SRGAP2: variants seen among roughly 807,000 people sequenced by gnomAD.
SRGAP2 encodes the protein SLIT-ROBO Rho GTPase-activating protein 2.
A neutral mutation model predicts 57.2 loss-of-function variants in SRGAP2; 15 were observed. The ratio of observed to expected loss-of-function variants is 0.26; its 90% CI spans 0.18 to 0.40. The LOEUF (loss-of-function observed/expected upper bound fraction) is 0.40, where lower values mean the gene tolerates loss of function less well. SRGAP2 is among the 10% of genes least tolerant of loss of function. The pLI is 1.00. For synonymous variants in SRGAP2, 249 were observed against 248.0 expected, an observed-to-expected ratio of 1.00 and a Z score of -0.04; for missense variants, 520 against 669.6, an observed-to-expected ratio of 0.78 and a Z score of 2.47.
At chr1:206,243,435 G>A (rs1296447302) in intron 2 of SRGAP2, among the ~76,000 whole-genome samples, 1 of 151,898 alleles carries the variant, frequency 6.6e-6, no homozygotes, top group African/African-American at 2.4e-5. Context: ...GCATGAATGG[G>A]GTGCTATTCT....
In SRGAP2 at chr1:206,461,526, A is replaced by G; in HGVS notation, c.*106A>G. 4 of 658,750 alleles carry G rather than the reference A, an allele frequency of 6.1e-6. No individual in the cohort carries two copies. The highest frequency in any genetic ancestry group is 1.1e-5 in the Non-Finnish European group (4 of 360,144). The allele number at this position is 658,750 out of a possible 1,614,324, so 40.8% of individuals were successfully genotyped here. On this transcript the variant is annotated 3_prime_UTR_variant, in exon 23 of 23. Coordinates refer to ENST00000573034, the MANE Select transcript of SRGAP2 (RefSeq NM_015326.5). ...GGACTTCAGTTGAAAATTAGGTTCT[A>G]AGTTGTTCTTGCAGGAATTAGCCTC...
At chr1:206,322,646 T>C (rs868937859) in intron 3 of SRGAP2, among the ~76,000 whole-genome samples, 2 of 144,004 alleles carry the variant, frequency 1.4e-5, no homozygotes, top group African/African-American at 5.6e-5. Context: ...GACTAGATTT[T>C]AATACTGGTT....
chr1:206,334,484 A>G (rs1328636757), intron 3 of SRGAP2, among the ~76,000 whole-genome samples: 17 of 152,116 alleles, frequency 1.1e-4, no homozygotes, highest in Admixed American at 1.1e-3. Flanking sequence ...TGTTGTTATG[A>G]GCCATGTAAG....
chr1:206,425,438 CTAT>C (rs1332383621), intron 13 of SRGAP2, among the ~76,000 whole-genome samples: 3 of 152,156 alleles, frequency 2.0e-5, no homozygotes, highest in Admixed American at 6.5e-5. Flanking sequence ...TTATTATTAA[CTAT>C]TATTATCCTA....
intron 18 of SRGAP2, among the ~76,000 whole-genome samples, chr1:206,449,943 A>C (rs1663121821): frequency 6.6e-6 from 1 of 152,184 alleles, no homozygotes; most frequent in Non-Finnish European, 1.5e-5. Flanking sequence ...GAGATTAAAT[A>C]ACTTGCCCAG....
intron 11 of SRGAP2, among the ~76,000 whole-genome samples, chr1:206,419,131 T>C (rs1411464549): frequency 1.3e-5 from 2 of 152,164 alleles, no homozygotes; most frequent in African/African-American, 4.8e-5. Context: ...TTAGGGGGAC[T>C]GACCTGGACT....
chr1:206,436,602 C>T (rs1661782911), intron 14 of SRGAP2, among the ~76,000 whole-genome samples: 2 of 152,186 alleles, frequency 1.3e-5, no homozygotes, highest in South Asian at 4.1e-4. Context: ...CCTGCTGCCT[C>T]AGCTTCCTGA....
chr1:206,420,092 T>C (rs1045012884), intron 12 of SRGAP2, among the ~76,000 whole-genome samples: 5 of 152,304 alleles, frequency 3.3e-5, no homozygotes, highest in African/African-American at 1.2e-4. Flanking sequence ...TGCCTAGAAA[T>C]GTGCTGATTT....
At chr1:206,418,888 CTG>C (rs1159940831) in intron 11 of SRGAP2, among the ~76,000 whole-genome samples, 22,545 of 136,302 alleles carry the variant, frequency 0.17, 2,010 homozygotes, top group East Asian at 0.28. Context: ...CCAACTCTCT[CTG>C]TGTGTGTGTG....
At chr1:206,359,119 A>G (rs1676694334) in intron 4 of SRGAP2, among the ~76,000 whole-genome samples, 1 of 151,316 alleles carries the variant, frequency 6.6e-6, no homozygotes, top group Non-Finnish European at 1.5e-5. Flanking sequence ...ATATCTTTTG[A>G]AGATTTCCAT....
At position 206,450,281 on chromosome 1, in the gene SRGAP2, A is replaced by T. The variant is rs1416813697; in HGVS notation, c.2100-105A>T. ...TGTGTGCAGTTAGGATATAGAGAGC[A>T]TAAGATGGATTCAGTGCCCTCGCGC... is the stretch of plus-strand genomic sequence containing the variant. On this transcript the variant is annotated intron_variant, in intron 18 of 22. Transcript: ENST00000573034. The T allele has an allele frequency of 1.3e-5, 9 of 686,786 alleles. 1 individual carries two copies. In the East Asian group the frequency reaches 2.4e-4, roughly 18 times the overall value. The allele number at this position is 686,786 out of a possible 1,614,324, so 42.5% of individuals were successfully genotyped here.
chr1:206,334,929 G>GA (rs1246945116), intron 3 of SRGAP2, among the ~76,000 whole-genome samples: 1 of 150,742 alleles, frequency 6.6e-6, no homozygotes, highest in Non-Finnish European at 1.5e-5. Flanking sequence ...AACTAGAGAA[G>GA]AAAAAATCAA....
rs543953027 is a variant in SRGAP2, at chr1:206,427,832, G to T, written c.1495-2330G>T. On this transcript the variant is annotated intron_variant, in intron 13 of 22. Transcript: ENST00000573034. ...TATAAAACCCTACTGGTTTAGGCCA[G>T]GCACGATGGTTCATACCTGTAATCC... is the stretch of plus-strand genomic sequence containing the variant. Among the ~76,000 whole-genome samples the T allele has an allele frequency of 1.7e-4, 26 of 152,290 alleles. No individual in the cohort carries two copies. In the South Asian group the frequency reaches 4.6e-3, roughly 27 times the overall value.
At chr1:206,336,077 G>T (rs1674754352) in intron 3 of SRGAP2, among the ~76,000 whole-genome samples, 1 of 145,948 alleles carries the variant, frequency 6.9e-6, no homozygotes, top group Non-Finnish European at 1.5e-5. Context: ...CGGCTCTTGG[G>T]CATGCTGTTC....
intron 17 of SRGAP2, among the ~76,000 whole-genome samples, chr1:206,444,933 CAG>C (rs782448147): frequency 2.6e-5 from 4 of 152,156 alleles, no homozygotes; most frequent in Non-Finnish European, 4.4e-5. Flanking sequence ...CGCAAACAGA[CAG>C]GGGGTACATC....
At chr1:206,268,014 C>T (rs1160887838) in intron 2 of SRGAP2, among the ~76,000 whole-genome samples, 1 of 146,922 alleles carries the variant, frequency 6.8e-6, no homozygotes, top group Non-Finnish European at 1.5e-5. Flanking sequence ...ACAAGTTCTT[C>T]CATGCAAATA....
At chr1:206,289,842 G>A (rs1671214836) in intron 2 of SRGAP2, among the ~76,000 whole-genome samples, 1 of 152,118 alleles carries the variant, frequency 6.6e-6, no homozygotes, top group African/African-American at 2.4e-5. Flanking sequence ...ACAGTGACAT[G>A]AGTTGCATAC....
At chr1:206,414,227 G>A (rs1659480073) in intron 10 of SRGAP2, among the ~76,000 whole-genome samples, 2 of 151,496 alleles carry the variant, frequency 1.3e-5, no homozygotes, top group Admixed American at 1.3e-4. Context: ...GTTAGAGATG[G>A]GGTTTCACCA....
chr1:206,441,476 G>A (rs1553372057), intron 17 of SRGAP2, among the ~76,000 whole-genome samples: 1 of 152,170 alleles, frequency 6.6e-6, no homozygotes, highest in African/African-American at 2.4e-5. Context: ...AAGGCACCAA[G>A]CAAGGACATG....
Sources: gnomAD v4.1 joint callset for allele counts (sites outside exome capture counted in the v4.1 genomes callset) on GRCh38, gnomAD v4.1.1 for gene constraint, MANE v1.5 for transcripts, NCBI Gene and HGNC (gene_info 2026-07-23, HGNC 2026-07-21) for gene names.